The following AMY2B variants were observed in gnomAD, a reference collection of about 807,000 sequenced individuals.
AMY2B encodes amylase alpha 2B, also known as alpha-amylase 2B.
Under a neutral mutation model 59.3 loss-of-function variants are expected in AMY2B, and 63 were observed. The ratio of observed to expected loss-of-function variants is 1.06; its 90% CI spans 0.87 to 1.31. The LOEUF (loss-of-function observed/expected upper bound fraction) is 1.31, where lower values mean the gene tolerates loss of function less well. Among genes scored for constraint, AMY2B ranks in the 50% most tolerant of loss-of-function variants. AMY2B has a pLI of 0.00. For missense variants in AMY2B, 635 were observed against 626.7 expected (o/e 1.01, Z -0.14); for synonymous variants, 180 against 198.1 (o/e 0.91, Z 0.77).
exon 1 of AMY2B, chr1:103,554,788 A>G (rs2101056610): frequency 6.5e-6 from 1 of 152,762 alleles, no homozygotes; most frequent in South Asian, 2.1e-4. Flanking sequence ...AAATTCGGTT[A>G]TTATCACCTT....
In AMY2B at chr1:103,577,575, A is replaced by G; in HGVS notation, c.1187A>G (p.Asp396Gly). The change falls in exon 8 of 10, where the codon GAC (aspartate) becomes GGC (glycine). Residue 396 changes from aspartate (D) to glycine (G), a missense_variant. Transcript: ENST00000684275. Reference sequence around the variant, plus strand: ...AATCCAGACACTACTTGTGGCAATGACTGGGTCTGTGAACATCGATGGCGC... The same window carrying G: ...AATCCAGACACTACTTGTGGCAATGGCTGGGTCTGTGAACATCGATGGCGC... ...TINPDTTCGN[D>G]WVCEHRWRQI... 1.2e-6 allele frequency: 2 copies of G among 1,611,954 alleles called. No homozygotes were observed. The highest frequency in any genetic ancestry group is 1.7e-6 in the Non-Finnish European group (2 of 1,179,822).
At chr1:103,571,521 T>C, upstream of AMY2B, 1 of 1,582,260 alleles carries the variant, frequency 6.3e-7, no homozygotes, top group South Asian at 1.1e-5. Context: ...TATTTATTCA[T>C]GCTAATATTT....
intron 5 of AMY2B, 136 bp from the exon 6 acceptor site, chr1:103,575,087 T>TA: frequency 9.2e-7 from 1 of 1,087,184 alleles, no homozygotes; most frequent in African/African-American, 1.6e-5. Flanking sequence ...TATATATATC[T>TA]TACAGAATAA....
Position 103,574,362 on chromosome 1 carries a change from A to C in AMY2B, c.847A>C (p.Lys283Gln), listed in dbSNP as rs897113237. Residue 283 changes from lysine to glutamine, a missense_variant, in exon 5 of 10, where the codon AAG becomes CAG. By Grantham distance (53) the Lys-to-Gln change is moderately conservative. Coordinates refer to ENST00000684275, the MANE Select transcript of AMY2B (RefSeq NM_001387437.1). Reference protein sequence around the residue: ...YGAKLGTVIRKWNGEKMSYLK... With the variant: ...YGAKLGTVIRQWNGEKMSYLK... ...TGCAAAACTCGGCACAGTTATTCGC[A>C]AGTGGAATGGAGAGAAGATGTCTTA... The C allele has an allele frequency of 1.9e-6, 3 of 1,611,650 alleles. No homozygotes were observed. The highest frequency in any genetic ancestry group is 1.7e-6 in the Non-Finnish European group (2 of 1,179,748).
At chr1:103,555,943 A>T (rs1651533804) in intron 1 of AMY2B, among the ~76,000 whole-genome samples, 1 of 152,208 alleles carries the variant, frequency 6.6e-6, no homozygotes, top group Admixed American at 6.5e-5. Flanking sequence ...GTATACAAAT[A>T]GAAGGGTTCG....
upstream of AMY2B, chr1:103,570,067 G>A: frequency 2.3e-6 from 1 of 435,948 alleles, no homozygotes; most frequent in South Asian, 1.9e-5. Flanking sequence ...CGCCCTCCCT[G>A]ACACCATTCT....
In AMY2B at chr1:103,574,538, T is replaced by G. The variant is rs925634069; in HGVS notation, c.878+145T>G. 11 of 1,490,844 alleles carry G rather than the reference T, an allele frequency of 7.4e-6. No individual in the cohort carries two copies. The African/African-American group carries it at 1.5e-4, about 21-fold the overall frequency. 92.4% of individuals were successfully genotyped at this position (1,490,844 alleles called of 1,614,324 possible). ...TGATAAGTATTCTAGTGCCCTAAACTCTAATCAATCATCTTTTGTATTTAG... is the reference window on the plus strand; with the variant it reads ...TGATAAGTATTCTAGTGCCCTAAACGCTAATCAATCATCTTTTGTATTTAG... On this transcript the variant is annotated intron_variant, in intron 5 of 9. Coordinates refer to ENST00000684275, the MANE Select transcript of AMY2B (RefSeq NM_001387437.1).
rs768537898 is a variant in AMY2B, at chr1:103,557,665, TA to T, written c.-207+2557del. Among the ~76,000 whole-genome samples, 95 of 152,148 alleles carry T rather than the reference TA, an allele frequency of 6.2e-4. 1 individual carries two copies. Among genetic ancestry groups the T allele is most frequent in the Middle Eastern group, 3.4e-3 (1 of 294 alleles). ...TAGATTAAAAAAAAAAAAAGTATTT[TA>T]CATAAGAAATTTTAATTTTTTGTAA... On this transcript the variant is annotated intron_variant, in intron 1 of 11. Transcript: ENST00000361355.
intron 5 of AMY2B, among the ~76,000 whole-genome samples, 165 bp from the exon 6 acceptor site, chr1:103,575,056 GTA>G (rs1174930137): frequency 3.0e-5 from 3 of 101,512 alleles, no homozygotes; most frequent in East Asian, 5.5e-4. Flanking sequence ...TTGTGTGTGT[GTA>G]TGTATATATA....
At position 103,572,184 on chromosome 1, in the gene AMY2B, C is replaced by A; in HGVS notation, c.243C>A (p.Ser81Arg). 1 of 1,611,608 alleles carries A rather than the reference C, an allele frequency of 6.2e-7. No individual in the cohort carries two copies. Among genetic ancestry groups the A allele is most frequent in the Non-Finnish European group, 8.5e-7 (1 of 1,179,672 alleles). Residue 81 changes from serine to arginine, a missense_variant, in exon 2 of 10, where the codon AGC becomes AGA. Ser to Arg is a moderately radical substitution (Grantham distance 110, BLOSUM62 -1). Transcript: ENST00000684275. ...GGTGGGAAAGATACCAACCAGTTAG[C>A]TATAAATTATGCACAAGATCTGGAA... ...RPWWERYQPVSYKLCTRSGNE... is the reference protein window; with the variant it reads ...RPWWERYQPVRYKLCTRSGNE...
intron 5 of AMY2B, 121 bp from the exon 6 acceptor site, chr1:103,575,102 T>A: frequency 7.3e-7 from 1 of 1,365,282 alleles, no homozygotes; most frequent in Admixed American, 2.0e-5. Flanking sequence ...GAATAACCAT[T>A]TAATTAGAGA....
At chr1:103,576,651 A>T (rs1652366539) in intron 7 of AMY2B, among the ~76,000 whole-genome samples, 1 of 152,190 alleles carries the variant, frequency 6.6e-6, no homozygotes, top group African/African-American at 2.4e-5. Context: ...AATTTATAAA[A>T]AATGTTCTGA....
chr1:103,572,387 A>G (rs1219579005), intron 2 of AMY2B, 131 bp downstream of exon 2: 1 of 1,455,036 alleles, frequency 6.9e-7, no homozygotes, highest in African/African-American at 1.4e-5. Flanking sequence ...TTTAAAACTC[A>G]AAATTAACCG....
At chr1:103,566,601 T>C (rs756008843), upstream of AMY2B, among the ~76,000 whole-genome samples, 2 of 152,210 alleles carry the variant, frequency 1.3e-5, no homozygotes, top group Admixed American at 6.5e-5. Flanking sequence ...AACTGGTTAG[T>C]AGCCAATTGT....
chr1:103,576,453 T>G (rs796339314), intron 7 of AMY2B, among the ~76,000 whole-genome samples: 3 of 152,302 alleles, frequency 2.0e-5, no homozygotes, highest in African/African-American at 7.2e-5. Context: ...ATTTTTATTT[T>G]TTCTATCACT....
chr1:103,571,467 T>C (rs1652127459), upstream of AMY2B: 4 of 1,484,548 alleles, frequency 2.7e-6, no homozygotes, highest in Admixed American at 3.9e-5. Context: ...AGGATTATTA[T>C]TGATAATCCT....
intron 1 of AMY2B, among the ~76,000 whole-genome samples, chr1:103,558,918 TC>T (rs764630168): frequency 4.1e-4 from 63 of 152,012 alleles, no homozygotes; most frequent in Admixed American, 7.9e-4. Context: ...TGAGTTTTTT[TC>T]GTCATTATTT....
intron 2 of AMY2B, among the ~76,000 whole-genome samples, 153 bp from the exon 3 acceptor site, chr1:103,572,910 C>CCT (rs1652192239): frequency 6.6e-6 from 1 of 152,126 alleles, no homozygotes; most frequent in African/African-American, 2.4e-5. Flanking sequence ...CACATTACTT[C>CCT]TTCACAGTTG....
At chr1:103,556,278 C>G (rs1034246474) in intron 1 of AMY2B, among the ~76,000 whole-genome samples, 11 of 152,052 alleles carry the variant, frequency 7.2e-5, no homozygotes, top group African/African-American at 2.7e-4. Context: ...TGAAAAAGTA[C>G]AGAATTCAAT....
Sources: allele counts gnomAD v4.1 joint callset (sites outside exome capture counted in the v4.1 genomes callset), GRCh38; gene constraint gnomAD v4.1.1; transcripts MANE v1.5; gene names NCBI Gene and HGNC (gene_info 2026-07-23, HGNC 2026-07-21).